The following GLUD1 variants were observed in gnomAD, a reference collection of about 807,000 sequenced individuals.
GLUD1 encodes the protein glutamate dehydrogenase 1.
A neutral mutation model predicts 56.0 loss-of-function variants in GLUD1; 22 were observed. The observed-to-expected ratio is 0.39, with a 90% CI of 0.28 to 0.56. GLUD1 has a LOEUF of 0.56. Ranked by LOEUF, GLUD1 falls within the 20% of genes least tolerant of loss-of-function variation. GLUD1 has a pLI of 0.58. For missense variants in GLUD1, 451 were observed against 732.0 expected (o/e 0.62, Z 4.43); for synonymous variants, 223 against 269.9 (o/e 0.83, Z 1.70).
intron 5 of GLUD1, among the ~76,000 whole-genome samples, chr10:87,063,726 C>T (rs79048398): frequency 2.0e-3 from 298 of 152,118 alleles, no homozygotes; most frequent in African/African-American, 6.7e-3. Context: ...AGTAGAGTAA[C>T]GAAAGTATTT....
intron 11 of GLUD1, 90 bp from the exon 12 acceptor site, chr10:87,053,494 T>C (rs780795308): frequency 7.1e-6 from 6 of 840,410 alleles, no homozygotes; most frequent in Non-Finnish European, 1.2e-5. Flanking sequence ...CAAGTCAATA[T>C]ACAACCAGAC....
At position 87,051,682 on chromosome 10, in the gene GLUD1, T is replaced by C. The variant is rs1845634895; in HGVS notation, c.*69A>G. 2 of 1,539,826 alleles carry C rather than the reference T, an allele frequency of 1.3e-6. No homozygotes were observed. The highest frequency in any genetic ancestry group is 2.2e-5 in the South Asian group (2 of 89,474). ...AGAGAAAGGGATTTCTGTGGTTACA[T>C]GTAAACTTGTGATAGGTCTGCAGAA... On this transcript the variant is annotated 3_prime_UTR_variant, in exon 13 of 13. Coordinates refer to ENST00000277865, the MANE Select transcript of GLUD1 (RefSeq NM_005271.5).
intron 4 of GLUD1, among the ~76,000 whole-genome samples, chr10:87,072,307 A>G (rs1846260670): frequency 6.6e-6 from 1 of 152,208 alleles, no homozygotes; most frequent in South Asian, 2.1e-4. Flanking sequence ...ATTAGTGTAC[A>G]GATTCAATGA....
intron 3 of GLUD1, among the ~76,000 whole-genome samples, 163 bp downstream of exon 3, chr10:87,075,805 C>T (rs1302129539): frequency 6.6e-6 from 1 of 151,992 alleles, no homozygotes; most frequent in Non-Finnish European, 1.5e-5. Flanking sequence ...ACCTGTAATC[C>T]CAGTTACTGG....
intron 11 of GLUD1, among the ~76,000 whole-genome samples, chr10:87,056,288 G>T (rs919600337): frequency 1.4e-5 from 2 of 147,352 alleles, no homozygotes; most frequent in Non-Finnish European, 3.0e-5. Context: ...TGTTTACACC[G>T]TTTCTTTTTT....
At chr10:87,059,301 T>C in intron 9 of GLUD1, 28 bp from the exon 10 acceptor site, 2 of 1,610,504 alleles carry the variant, frequency 1.2e-6, no homozygotes, top group Non-Finnish European at 8.5e-7. Flanking sequence ...ACAAAGAAAT[T>C]AGAAGATGAT....
chr10:87,069,891 T>C (rs1194080959), intron 4 of GLUD1, among the ~76,000 whole-genome samples: 1 of 152,124 alleles, frequency 6.6e-6, no homozygotes, highest in African/African-American at 2.4e-5. Context: ...CAAAATCTTG[T>C]GAAGTCTAAT....
chr10:87,068,040 C>T lies in GLUD1; in HGVS notation c.741+23G>A, dbSNP rs781753882. On this transcript the variant is annotated intron_variant, in intron 5 of 12. Transcript: ENST00000277865. ...TTGTAGACAGCAAATGCAGAAGCCT[C>T]GGGGCTTCCAGTGGGTACTCACATA... 41 of 1,394,816 alleles carry T rather than the reference C, an allele frequency of 2.9e-5. No homozygotes were observed. The East Asian group carries it at 3.0e-4, about 10-fold the overall frequency. 86.4% of individuals were successfully genotyped at this position (1,394,816 alleles called of 1,614,324 possible).
intron 1 of GLUD1, among the ~76,000 whole-genome samples, chr10:87,078,414 C>T (rs1273046273): frequency 6.6e-6 from 1 of 152,158 alleles, no homozygotes; most frequent in African/African-American, 2.4e-5. Context: ...CCTCTCCTAC[C>T]TTGTTTCTTC....
intron 8 of GLUD1, 96 bp from the exon 9 acceptor site, chr10:87,060,337 G>C (rs1167134150): frequency 1.2e-6 from 1 of 856,754 alleles, no homozygotes; most frequent in African/African-American, 1.7e-5. Context: ...AAGGGGCTGT[G>C]GGGAGAAGCA....
At chr10:87,079,752 T>C (rs1005945705) in intron 1 of GLUD1, among the ~76,000 whole-genome samples, 6 of 151,548 alleles carry the variant, frequency 4.0e-5, no homozygotes, top group Admixed American at 2.0e-4. Context: ...TATTACAAAG[T>C]AATGGCATGT....
At chr10:87,090,142 GGTTA>G (rs2133859857) in intron 1 of GLUD1, among the ~76,000 whole-genome samples, 1 of 152,208 alleles carries the variant, frequency 6.6e-6, no homozygotes, top group African/African-American at 2.4e-5. Context: ...AACATCTACA[GGTTA>G]GTATTTTAGT....
rs1484413805 is a variant in GLUD1, at chr10:87,057,713, G to A, written c.1472C>T (p.Ala491Val). 1 of 1,586,466 alleles carries A rather than the reference G, an allele frequency of 6.3e-7. No homozygotes were observed. The highest frequency in any genetic ancestry group is 1.1e-5 in the South Asian group (1 of 90,482). The change falls in exon 11 of 13, where the codon GCA (alanine) becomes GTA (valine). Residue 491 changes from alanine (A) to valine (V), a missense_variant. By Grantham distance (64) the Ala-to-Val change is moderately conservative. This residue lies in a region of GLUD1 where 248 missense variants were observed against 460.0 expected (regional missense o/e 0.54). Transcript: ENST00000277865. The stretch of plus-strand genomic sequence containing the variant: ...CACCGATATCCTGTCTTGGAACTCT[G>A]CCGTGGGTACAATGGGAATAGTTCC... ...HGGTIPIVPT[A>V]EFQDRISGAS... is the part of the protein sequence containing the mutation.
rs926679548 is a variant in GLUD1 at position 87,050,633 on chromosome 10, G to C, written c.*1118C>G. The C allele has an allele frequency of 6.6e-6, 1 of 151,798 alleles. No homozygotes were observed. Among genetic ancestry groups the C allele is most frequent in the South Asian group, 2.1e-4 (1 of 4,820 alleles). 9.4% of individuals were successfully genotyped at this position (151,798 alleles called of 1,614,324 possible). A position where few individuals can be genotyped will look rare whatever the true frequency, so the allele number is the denominator to read the frequency against. On this transcript the variant is annotated 3_prime_UTR_variant, in exon 13 of 13. Coordinates refer to ENST00000277865, the MANE Select transcript of GLUD1 (RefSeq NM_005271.5). ...ACATATATTATCTAGCACTTCATGG[G>C]GACACTACTGTTCAAAAGGCCCTGG...
At chr10:87,084,594 TATA>T (rs1564563402) in intron 1 of GLUD1, among the ~76,000 whole-genome samples, 1 of 152,254 alleles carries the variant, frequency 6.6e-6, no homozygotes, top group African/African-American at 2.4e-5. Context: ...CACTGTTTTT[TATA>T]ATTAGTCATT....
intron 12 of GLUD1, 148 bp from the exon 13 acceptor site, chr10:87,052,018 G>T (rs992130408): frequency 1.1e-6 from 1 of 886,624 alleles, no homozygotes; most frequent in Non-Finnish European, 1.9e-6. Flanking sequence ...TACTCTAGCA[G>T]CAGAACCTCT....
chr10:87,076,693 G>A (rs879017373), intron 1 of GLUD1, 37 bp from the exon 2 acceptor site: 3 of 1,136,610 alleles, frequency 2.6e-6, no homozygotes, highest in Non-Finnish European at 4.0e-6. Flanking sequence ...TGGGGTGGGT[G>A]AGAAAGAAGG....
In GLUD1 at chr10:87,075,924, AAAC is replaced by A. The variant is rs762147474; in HGVS notation, c.582+41_582+43del. 167 of 1,337,110 alleles carry A rather than the reference AAAC, an allele frequency of 1.2e-4. 1 individual carries two copies. The highest frequency in any genetic ancestry group is 2.5e-4 in the East Asian group (11 of 43,618). 82.8% of individuals were successfully genotyped at this position (1,337,110 alleles called of 1,614,324 possible). ...GGAAGACTCTGTCTCAGAAAAACAA[AAAC>A]AACAACAACAATAAAAAACAAATAT... On this transcript the variant is annotated intron_variant, in intron 3 of 12. Transcript: ENST00000277865.
rs1306960917 is a variant in GLUD1, at chr10:87,068,128, T to A, written c.676A>T (p.Met226Leu). The change falls in exon 5 of 13, where the codon ATG becomes TTG. Residue 226 changes from methionine (M) to leucine (L), a missense_variant. Physicochemically the swap from Met to Leu is conservative, Grantham distance 15. Around this residue, in one of 4 missense-constraint regions of GLUD1, gnomAD observed 248 missense variants for 460.0 expected, o/e 0.54. Coordinates refer to ENST00000277865, the MANE Select transcript of GLUD1 (RefSeq NM_005271.5). ...GPGIDVPAPD[M>L]STGEREMSWI... is the part of the protein sequence containing the mutation. ...GACATCTCCCGCTCACCTGTGCTCA[T>A]GTCTGGAGCAGGCACATCAATGCCA... is the stretch of plus-strand genomic sequence containing the variant. 1 of 1,612,876 alleles carries A rather than the reference T, an allele frequency of 6.2e-7. No homozygotes were observed.
Sources: allele counts gnomAD v4.1 joint callset (sites outside exome capture counted in the v4.1 genomes callset), GRCh38; gene constraint gnomAD v4.1.1; regional missense constraint gnomAD v4.1.1; transcripts MANE v1.5; gene names NCBI Gene and HGNC (gene_info 2026-07-23, HGNC 2026-07-21).